The following SPON1 variants were observed in gnomAD, a reference collection of about 807,000 sequenced individuals.
SPON1 encodes spondin 1, also known as spondin-1.
A neutral mutation model predicts 111.7 loss-of-function variants in SPON1; 52 were observed. The ratio of observed to expected loss-of-function variants is 0.47; its 90% CI spans 0.37 to 0.59. SPON1 has a LOEUF of 0.59. SPON1 is among the 20% of genes least tolerant of loss of function. SPON1 has a pLI of 0.00. For synonymous variants in SPON1, 410 were observed against 395.8 expected (o/e 1.04, Z -0.43); for missense variants, 957 against 1,068.5 (o/e 0.90, Z 1.46).
chr11:14,215,045 G>A (rs1162849391), intron 6 of SPON1, among the ~76,000 whole-genome samples: 8 of 151,974 alleles, frequency 5.3e-5, no homozygotes, highest in Non-Finnish European at 7.4e-5. Context: ...CCTTTTTTAT[G>A]TTTTTGTTTT....
chr11:14,258,085 T>A (rs879974608), intron 11 of SPON1, among the ~76,000 whole-genome samples, 187 bp downstream of exon 11: 1 of 152,238 alleles, frequency 6.6e-6, no homozygotes, highest in Non-Finnish European at 1.5e-5. Context: ...ATCTCTCTTA[T>A]ATCAAAGGAA....
intron 5 of SPON1, among the ~76,000 whole-genome samples, chr11:14,127,516 G>A (rs1847474506): frequency 6.6e-6 from 1 of 152,052 alleles, no homozygotes; most frequent in South Asian, 2.1e-4. Context: ...CTATCCCTGG[G>A]TATGTCCTAC....
chr11:13,963,233 C>T (rs1313461033), intron 1 of SPON1, 91 bp downstream of exon 1: 2 of 1,028,662 alleles, frequency 1.9e-6, no homozygotes, highest in East Asian at 6.2e-5. Context: ...CGCGCGGTCT[C>T]CGGGCGCGTG....
At chr11:14,239,447 A>C (rs1362145450) in intron 6 of SPON1, among the ~76,000 whole-genome samples, 2 of 152,152 alleles carry the variant, frequency 1.3e-5, no homozygotes, top group Non-Finnish European at 2.9e-5. Flanking sequence ...AGAGTTTGGC[A>C]GGGCACGGTG....
chr11:14,138,205 C>T (rs1016657617), intron 6 of SPON1, among the ~76,000 whole-genome samples: 1 of 152,200 alleles, frequency 6.6e-6, no homozygotes, highest in Non-Finnish European at 1.5e-5. Context: ...ATATGCTTAC[C>T]AGCATTCTCT....
intron 2 of SPON1, among the ~76,000 whole-genome samples, chr11:14,025,114 T>A (rs1379755542): frequency 6.6e-6 from 1 of 152,072 alleles, no homozygotes; most frequent in Non-Finnish European, 1.5e-5. Flanking sequence ...TCAGCAAACA[T>A]GTACCAAGCT....
intron 2 of SPON1, among the ~76,000 whole-genome samples, chr11:14,011,147 G>A (rs577618806): frequency 6.6e-6 from 1 of 152,274 alleles, no homozygotes; most frequent in African/African-American, 2.4e-5. Context: ...CCCCAAGGAA[G>A]AGCTCAGCCC....
intron 6 of SPON1, among the ~76,000 whole-genome samples, chr11:14,161,201 T>TATTTTATATATATCTATA (rs1847952871): frequency 3.1e-4 from 9 of 28,660 alleles, no homozygotes; most frequent in African/African-American, 8.5e-4. Context: ...CTATATATAT[T>TATTTTATATATATCTATA]TATATATTTA....
At chr11:14,045,691 A>G (rs982132945) in intron 3 of SPON1, among the ~76,000 whole-genome samples, 4 of 149,790 alleles carry the variant, frequency 2.7e-5, no homozygotes, top group Admixed American at 6.7e-5. Context: ...CATCTTATAT[A>G]TTTACATACA....
At chr11:14,255,877 C>A in intron 9 of SPON1, 90 bp downstream of exon 9, 1 of 1,382,990 alleles carries the variant, frequency 7.2e-7, no homozygotes, top group South Asian at 1.4e-5. Flanking sequence ...ATCATAGAGT[C>A]ACTGGCAGAA....
intron 6 of SPON1, among the ~76,000 whole-genome samples, chr11:14,147,807 T>C (rs1185141377): frequency 6.6e-6 from 1 of 151,560 alleles, no homozygotes; most frequent in African/African-American, 2.4e-5. Context: ...TTTTTTGATA[T>C]ATAAAGAGCT....
At chr11:14,031,360 A>G (rs917485341) in intron 2 of SPON1, among the ~76,000 whole-genome samples, 1 of 152,226 alleles carries the variant, frequency 6.6e-6, no homozygotes, top group Non-Finnish European at 1.5e-5. Context: ...TGTGAAAGTT[A>G]GGCTGGAAGA....
intron 6 of SPON1, among the ~76,000 whole-genome samples, chr11:14,238,401 G>T (rs974367155): frequency 4.6e-5 from 7 of 152,194 alleles, no homozygotes. Flanking sequence ...GAAGAAAGGG[G>T]CAGGGGGATG....
intron 3 of SPON1, among the ~76,000 whole-genome samples, chr11:14,059,139 G>A (rs2697822): frequency 0.2 from 29,987 of 152,050 alleles, 3,155 homozygotes; most frequent in Middle Eastern, 0.3. Context: ...CAGTTGTGTG[G>A]GACCTGCAAT....
chr11:14,136,671 G>C (rs782342246), intron 6 of SPON1, among the ~76,000 whole-genome samples: 4 of 152,190 alleles, frequency 2.6e-5, no homozygotes, highest in Non-Finnish European at 5.9e-5. Context: ...GTTTGGACTA[G>C]AGTCGAAAAA....
chr11:13,967,587 A>T (rs1219062051), intron 1 of SPON1, among the ~76,000 whole-genome samples: 2 of 151,900 alleles, frequency 1.3e-5, no homozygotes, highest in Non-Finnish European at 2.9e-5. Flanking sequence ...TTGTTTTTAC[A>T]TACAGATGTT....
chr11:14,202,188 AACGTTC>A (rs1848471736), intron 6 of SPON1, among the ~76,000 whole-genome samples: 1 of 152,188 alleles, frequency 6.6e-6, no homozygotes, highest in South Asian at 2.1e-4. Flanking sequence ...TCACCGAGGA[AACGTTC>A]ACTTGTGTGT....
At position 14,011,456 on chromosome 11, in the gene SPON1, AGGCCTGTCCAT is replaced by A. The variant is rs144743969; in HGVS notation, c.345+28507_345+28517del. ...TTTCAGGGATTTCTCCAACCTTCTG[AGGCCTGTCCAT>A]GGCTGACTCCCCCTATAGTTTAGGG... is the stretch of plus-strand genomic sequence containing the variant. On this transcript the variant is annotated intron_variant, in intron 2 of 15. Coordinates refer to ENST00000576479, the MANE Select transcript of SPON1 (RefSeq NM_006108.4). Among the ~76,000 whole-genome samples the A allele has an allele frequency of 5.3e-3, 803 of 152,204 alleles. 9 individuals are homozygous for A. The highest frequency in any genetic ancestry group is 0.018 in the African/African-American group (742 of 41,538).
chr11:14,011,530 C>T (rs1323153179), intron 2 of SPON1, among the ~76,000 whole-genome samples: 1 of 152,054 alleles, frequency 6.6e-6, no homozygotes, highest in African/African-American at 2.4e-5. Context: ...CCTACTGCAG[C>T]CTCCCAATAG....
Sources: allele counts gnomAD v4.1 joint callset (sites outside exome capture counted in the v4.1 genomes callset), GRCh38; gene constraint gnomAD v4.1.1; transcripts MANE v1.5; gene names NCBI Gene and HGNC (gene_info 2026-07-23, HGNC 2026-07-21).